Variants in PPP1CB observed in about 807,000 individuals in gnomAD.
PPP1CB encodes protein phosphatase 1 catalytic subunit beta.
Under a neutral mutation model 43.7 loss-of-function variants are expected in PPP1CB, and 2 were observed. That is an observed-to-expected ratio of 0.05 (90% CI 0.02 to 0.14). PPP1CB has a LOEUF of 0.14. PPP1CB is among the 10% of genes least tolerant of loss of function. The probability of loss-of-function intolerance (pLI) is 1.00; values close to 1 mark genes in which losing one functional copy is unlikely to be tolerated. For synonymous variants in PPP1CB, 136 were observed against 135.6 expected, an observed-to-expected ratio of 1.00 and a Z score of -0.02; for missense variants, 84 against 398.0, an observed-to-expected ratio of 0.21 and a Z score of 6.71.
intron 4 of PPP1CB, among the ~76,000 whole-genome samples, chr2:28,782,280 C>G (rs1478289243): frequency 6.6e-6 from 1 of 151,998 alleles, no homozygotes; most frequent in Non-Finnish European, 1.5e-5. Flanking sequence ...ATAAAATAAT[C>G]TTTGGCAGAT....
At chr2:28,781,970 T>C (rs543166463) in intron 4 of PPP1CB, 128 bp downstream of exon 4, 2 of 711,850 alleles carry the variant, frequency 2.8e-6, no homozygotes, top group African/African-American at 1.8e-5. Flanking sequence ...TAAAACTGTT[T>C]TAAACATGGC....
At chr2:28,771,115 AC>A (rs1435286406) in intron 1 of PPP1CB, among the ~76,000 whole-genome samples, 7 of 127,738 alleles carry the variant, frequency 5.5e-5, no homozygotes, top group Non-Finnish European at 1.1e-4. Context: ...GTGCAGTGGC[AC>A]GATCGTGGCT....
In PPP1CB at chr2:28,752,632, A is replaced by T. The variant is rs148565790; in HGVS notation, c.52+456A>T. ...GGCTGCCTCCGATTGTCGTTCCGGGAGTGAATTTTACGTATATATATATAA... is the reference window on the plus strand; with the variant it reads ...GGCTGCCTCCGATTGTCGTTCCGGGTGTGAATTTTACGTATATATATATAA... On this transcript the variant is annotated intron_variant, in intron 1 of 7. Transcript: ENST00000395366. Among the ~76,000 whole-genome samples the T allele has an allele frequency of 3.0e-4, 45 of 152,276 alleles. No homozygotes were observed. The East Asian group carries it at 7.7e-3, about 26-fold the overall frequency.
At chr2:28,794,663 C>T (rs925003342) in intron 7 of PPP1CB, among the ~76,000 whole-genome samples, 4 of 152,012 alleles carry the variant, frequency 2.6e-5, no homozygotes, top group Admixed American at 1.3e-4. Flanking sequence ...TGCACGCTAG[C>T]CTGGGCGACA....
chr2:28,761,883 C>T (rs892478239), intron 1 of PPP1CB, among the ~76,000 whole-genome samples: 2 of 151,990 alleles, frequency 1.3e-5, no homozygotes, highest in African/African-American at 4.8e-5. Context: ...GTCTTGAGAC[C>T]CTCTTACACT....
At chr2:28,776,325 C>T (rs1667042744) in intron 1 of PPP1CB, among the ~76,000 whole-genome samples, 1 of 151,554 alleles carries the variant, frequency 6.6e-6, no homozygotes, top group Non-Finnish European at 1.5e-5. Flanking sequence ...TGCAATGGGG[C>T]GATCTCAGCT....
rs1010167811 is a variant in PPP1CB at position 28,801,590 on chromosome 2, C to T, written c.*2287C>T. ...CAGCCTCCAGTCATAAAAATGTGTT[C>T]TTTACAAATATTTGCTTGGCAACAC... On this transcript the variant is annotated 3_prime_UTR_variant, in exon 8 of 8. Coordinates refer to ENST00000395366, the MANE Select transcript of PPP1CB (RefSeq NM_002709.3). 1.3e-5 allele frequency: 2 copies of T among 152,038 alleles called. No individual in the cohort carries two copies. Among genetic ancestry groups the T allele is most frequent in the African/African-American group, 4.8e-5 (2 of 41,408 alleles). 9.4% of individuals were successfully genotyped at this position (152,038 alleles called of 1,614,324 possible).
At position 28,776,963 on chromosome 2, in the gene PPP1CB, A is replaced by G; in HGVS notation, c.165A>G (p.Glu55=). Residue 55 remains glutamate, a synonymous_variant, in exon 2 of 8, where the codon GAA becomes GAG. Transcript: ENST00000395366. ...GCCAGCCTATTCTTTTGGAATTGGA[A>G]GCACCGCTGAAAATTTGTGGTATGT... The part of the protein sequence containing the change: ...FLSQPILLEL[E]APLKICGDIH... The G allele has an allele frequency of 1.2e-6, 2 of 1,613,608 alleles. No individual in the cohort carries two copies. Among genetic ancestry groups the G allele is most frequent in the Non-Finnish European group, 1.7e-6 (2 of 1,179,626 alleles).
chr2:28,780,348 C>G (rs562411539), intron 3 of PPP1CB, among the ~76,000 whole-genome samples: 2 of 152,286 alleles, frequency 1.3e-5, no homozygotes, highest in South Asian at 4.1e-4. Flanking sequence ...GCCTCGGCCT[C>G]CCAGAGTGCT....
At position 28,800,836 on chromosome 2, in the gene PPP1CB, G is replaced by C. The variant is rs376609341; in HGVS notation, c.*1533G>C. 7.9e-5 allele frequency: 12 copies of C among 152,466 alleles called. No homozygotes were observed. The highest frequency in any genetic ancestry group is 2.6e-4 in the African/African-American group (11 of 41,510). The allele number at this position is 152,466 out of a possible 1,614,324, so 9.4% of individuals were successfully genotyped here. On this transcript the variant is annotated 3_prime_UTR_variant, in exon 8 of 8. Transcript: ENST00000395366. ...ATGTGACATTTTTGACCTTAATATC[G>C]TCTTTGAAAATGTTAAATTGAGAAA...
At chr2:28,780,080 CTTTCT>C (rs1667124610) in intron 3 of PPP1CB, among the ~76,000 whole-genome samples, 1 of 129,030 alleles carries the variant, frequency 7.8e-6, no homozygotes, top group African/African-American at 2.9e-5. Flanking sequence ...CTTTTCTTTT[CTTTCT>C]TTTTTTTTTT....
In PPP1CB at chr2:28,778,945, G is replaced by A. The variant is rs975885083; in HGVS notation, c.321G>A (p.Leu107=). ...CTTTGGAAACCATTTGTTTGCTATT[G>A]GCTTATAAAATCAAATATCCAGAGA... is the stretch of plus-strand genomic sequence containing the variant. The part of the protein sequence containing the change: ...KQSLETICLL[L]AYKIKYPENF... Residue 107 remains leucine (L), a synonymous_variant, in exon 3 of 8, where the codon TTG becomes TTA. Transcript: ENST00000395366. The A allele has an allele frequency of 3.1e-6, 5 of 1,611,614 alleles. No individual in the cohort carries two copies. The African/African-American group carries it at 6.7e-5, about 22-fold the overall frequency.
intron 2 of PPP1CB, chr2:28,778,510 T>C (rs982190109): frequency 2.6e-5 from 13 of 492,378 alleles, no homozygotes; most frequent in Non-Finnish European, 4.5e-5. Context: ...AATGAGCTGT[T>C]GGTCAGAGGC....
At chr2:28,770,587 T>G (rs1666885247) in intron 1 of PPP1CB, among the ~76,000 whole-genome samples, 1 of 151,900 alleles carries the variant, frequency 6.6e-6, no homozygotes, top group Admixed American at 6.6e-5. Flanking sequence ...GGTCTAAAAC[T>G]AAAAGGAAAG....
intron 1 of PPP1CB, among the ~76,000 whole-genome samples, chr2:28,763,578 A>C (rs1390810741): frequency 6.6e-6 from 1 of 152,064 alleles, no homozygotes; most frequent in Non-Finnish European, 1.5e-5. Flanking sequence ...CTTTTTACTT[A>C]TGCTTTGTGA....
At chr2:28,784,943 A>G (rs75438550) in intron 5 of PPP1CB, among the ~76,000 whole-genome samples, 2 of 61,044 alleles carry the variant, frequency 3.3e-5, no homozygotes, top group African/African-American at 4.0e-5. Context: ...AAGAAAAAAG[A>G]AACAACAATC....
chr2:28,790,959 C>A (rs1264572461), intron 6 of PPP1CB, among the ~76,000 whole-genome samples: 1 of 152,166 alleles, frequency 6.6e-6, no homozygotes, highest in East Asian at 1.9e-4. Flanking sequence ...ATGTCCGCCA[C>A]CACTAACTAG....
chr2:28,778,772 A>G, intron 2 of PPP1CB, 37 bp from the exon 3 acceptor site: 2 of 1,371,646 alleles, frequency 1.5e-6, no homozygotes, highest in South Asian at 2.4e-5. Context: ...TTATAACAGT[A>G]ACCAATTTTT....
chr2:28,759,923 A>C (rs1392712549), intron 1 of PPP1CB, among the ~76,000 whole-genome samples: 1 of 146,208 alleles, frequency 6.8e-6, no homozygotes, highest in Non-Finnish European at 1.5e-5. Flanking sequence ...AGGGCCCTGG[A>C]ATATATTCTT....
Sources: allele counts gnomAD v4.1 joint callset (sites outside exome capture counted in the v4.1 genomes callset), GRCh38; gene constraint gnomAD v4.1.1; transcripts MANE v1.5; gene names NCBI Gene and HGNC (gene_info 2026-07-23, HGNC 2026-07-21).